ROBO2: variants seen among roughly 807,000 people sequenced by gnomAD.
The protein encoded by ROBO2 is roundabout guidance receptor 2.
A neutral mutation model predicts 160.8 loss-of-function variants in ROBO2; 53 were observed. The observed-to-expected ratio is 0.33, with a 90% confidence interval of 0.26 to 0.41. ROBO2 has a LOEUF of 0.41. Ranked by LOEUF, ROBO2 falls within the 10% of genes least tolerant of loss-of-function variation. ROBO2 has a pLI of 1.00. For synonymous variants in ROBO2, 664 were observed against 611.7 expected (o/e 1.09, Z -1.26); for missense variants, 1,577 against 1,722.4 (o/e 0.92, Z 1.49).
At chr3:77,221,425 G>A (rs187260174) in intron 2 of ROBO2, among the ~76,000 whole-genome samples, 1 of 152,336 alleles carries the variant, frequency 6.6e-6, no homozygotes, top group East Asian at 1.9e-4. Context: ...TAGTAAGGGT[G>A]ACACTGATCG....
At chr3:75,945,766 C>G (rs1948266550) in intron 2 of ROBO2, among the ~76,000 whole-genome samples, 1 of 152,006 alleles carries the variant, frequency 6.6e-6, no homozygotes, top group African/African-American at 2.4e-5. Context: ...ACTTATTATT[C>G]ATCAGATTTA....
At chr3:77,425,287 C>G (rs922835667) in intron 2 of ROBO2, among the ~76,000 whole-genome samples, 1 of 151,622 alleles carries the variant, frequency 6.6e-6, no homozygotes, top group Non-Finnish European at 1.5e-5. Flanking sequence ...CAAATATACA[C>G]ATTGCAAATT....
chr3:76,847,421 A>G (rs747187299), intron 2 of ROBO2, among the ~76,000 whole-genome samples: 1 of 152,178 alleles, frequency 6.6e-6, no homozygotes, highest in Non-Finnish European at 1.5e-5. Context: ...TGTACAAGAG[A>G]TTAATGGATA....
intron 2 of ROBO2, among the ~76,000 whole-genome samples, chr3:76,803,565 A>G (rs2064419996): frequency 6.6e-6 from 1 of 151,652 alleles, no homozygotes; most frequent in South Asian, 2.1e-4. Flanking sequence ...AGGAGAGAGG[A>G]AAAAAAACAC....
intron 2 of ROBO2, among the ~76,000 whole-genome samples, chr3:76,272,735 T>C (rs1576199539): frequency 2.3e-5 from 1 of 44,010 alleles, no homozygotes; most frequent in South Asian, 6.6e-4. Flanking sequence ...CATATAAATA[T>C]ATATATTCTC....
chr3:77,612,674 CG>C (rs1306589339), intron 21 of ROBO2, among the ~76,000 whole-genome samples: 1 of 152,112 alleles, frequency 6.6e-6, no homozygotes, highest in Non-Finnish European at 1.5e-5. Flanking sequence ...TGGCTAGGCG[CG>C]GTAGCTCACT....
chr3:76,335,338 G>A (rs1335440202), intron 2 of ROBO2, among the ~76,000 whole-genome samples: 1 of 150,854 alleles, frequency 6.6e-6, no homozygotes, highest in Non-Finnish European at 1.5e-5. Flanking sequence ...GTGCCACCAC[G>A]CCTGGTTAAT....
intron 2 of ROBO2, among the ~76,000 whole-genome samples, chr3:76,797,769 T>C (rs76138671): frequency 6.6e-6 from 1 of 151,730 alleles, no homozygotes; most frequent in East Asian, 1.9e-4. Context: ...ATTAAAAGGA[T>C]CATTAGAGAC....
chr3:76,480,428 T>C (rs2079148451), intron 2 of ROBO2, among the ~76,000 whole-genome samples: 1 of 152,152 alleles, frequency 6.6e-6, no homozygotes, highest in South Asian at 2.1e-4. Context: ...CTGTCATATA[T>C]TTACCTAAAA....
chr3:75,907,777 A>G (rs1457914797), intron 1 of ROBO2, among the ~76,000 whole-genome samples: 3 of 152,078 alleles, frequency 2.0e-5, no homozygotes, highest in African/African-American at 7.2e-5. Flanking sequence ...TCTGGGCGTG[A>G]AATTATGGAC....
At chr3:76,771,825 A>G (rs9862360) in intron 2 of ROBO2, among the ~76,000 whole-genome samples, 3,006 of 151,428 alleles carry the variant, frequency 0.02, 101 homozygotes, top group African/African-American at 0.068. Context: ...TTGAAACTTA[A>G]GGAATTTAAC....
intron 4 of ROBO2, among the ~76,000 whole-genome samples, chr3:77,488,397 C>G (rs890868923): frequency 5.3e-5 from 8 of 152,094 alleles, no homozygotes; most frequent in African/African-American, 1.4e-4. Context: ...AGCAAACGAC[C>G]CTTGAGATTT....
chr3:76,328,754 G>A (rs1389955685), intron 2 of ROBO2, among the ~76,000 whole-genome samples: 2 of 152,020 alleles, frequency 1.3e-5, no homozygotes, highest in Middle Eastern at 3.4e-3. Context: ...AGCTACTCGG[G>A]AGGCTGAAGC....
chr3:76,458,346 A>C (rs538195429), intron 2 of ROBO2, among the ~76,000 whole-genome samples: 2 of 152,090 alleles, frequency 1.3e-5, no homozygotes, highest in South Asian at 4.2e-4. Flanking sequence ...TCTTTGCTAA[A>C]ACATAACAAG....
At chr3:76,071,352 C>T (rs2068446988) in intron 2 of ROBO2, among the ~76,000 whole-genome samples, 1 of 152,140 alleles carries the variant, frequency 6.6e-6, no homozygotes, top group South Asian at 2.1e-4. Flanking sequence ...TCTTTGCTGC[C>T]TTGCCATCCT....
intron 7 of ROBO2, 36 bp from the exon 9 acceptor site, chr3:77,550,782 A>C: frequency 6.2e-7 from 1 of 1,610,342 alleles, no homozygotes; most frequent in Non-Finnish European, 8.5e-7. Flanking sequence ...TTTAAGTGGA[A>C]AATGAATATT....
intron 2 of ROBO2, among the ~76,000 whole-genome samples, chr3:76,582,680 T>A (rs976001241): frequency 6.6e-6 from 1 of 152,102 alleles, no homozygotes; most frequent in African/African-American, 2.4e-5. Context: ...ATATTTTAAG[T>A]CTTATATTTA....
chr3:77,537,564 T>C (rs537641378), intron 6 of ROBO2, among the ~76,000 whole-genome samples: 27 of 152,172 alleles, frequency 1.8e-4, no homozygotes, highest in Non-Finnish European at 3.7e-4. Flanking sequence ...ATATATCATT[T>C]AGTGCTTTTC....
chr3:76,418,250 G>GGAGA lies in ROBO2; in HGVS notation c.109+480661_109+480664dup, dbSNP rs1007970345. Among the ~76,000 whole-genome samples the GGAGA allele has an allele frequency of 2.6e-4, 39 of 149,440 alleles. No individual in the cohort carries two copies. In the East Asian group the frequency reaches 4.8e-3, roughly 18 times the overall value. ...AACAAATAGAGAGAGAGAGAGAGAGGGAGAGAGAGAGAGAGATGGAGTCTT... is the reference window on the plus strand; with the variant it reads ...AACAAATAGAGAGAGAGAGAGAGAGGGAGAGAGAGAGAGAGAGAGATGGAGTCTT... On this transcript the variant is annotated intron_variant, in intron 2 of 26. Coordinates refer to the ROBO2 transcript ENST00000487694.
Sources: gnomAD v4.1 joint callset for allele counts (sites outside exome capture counted in the v4.1 genomes callset) on GRCh38, gnomAD v4.1.1 for gene constraint, MANE v1.5 for transcripts, NCBI Gene and HGNC (gene_info 2026-07-23, HGNC 2026-07-21) for gene names.